The following PCDH15 variants were observed in gnomAD, a reference collection of about 807,000 sequenced individuals.
PCDH15 encodes the protein protocadherin-15.
PCDH15 carries 129 observed loss-of-function variants against 178.5 expected under a neutral mutation model. The observed-to-expected ratio is 0.72, with a 90% CI of 0.63 to 0.84. PCDH15 has a LOEUF of 0.84. PCDH15 is among the 40% of genes least tolerant of loss of function. The pLI is 0.00. For missense variants in PCDH15, 2,230 were observed against 2,099.9 expected, an observed-to-expected ratio of 1.06 and a Z score of -1.21; for synonymous variants, 800 against 732.0, an observed-to-expected ratio of 1.09 and a Z score of -1.50.
chr10:54,408,101 A>G (rs1565196188), intron 3 of PCDH15, among the ~76,000 whole-genome samples: 1 of 151,116 alleles, frequency 6.6e-6, no homozygotes, highest in East Asian at 1.9e-4. Context: ...TAGAAAAGTT[A>G]CTTCCTCTAA....
intron 2 of PCDH15, among the ~76,000 whole-genome samples, chr10:55,456,640 AAT>A (rs1166913941): frequency 2.0e-5 from 3 of 152,068 alleles, no homozygotes; most frequent in African/African-American, 7.2e-5. Flanking sequence ...ATATTTTCAA[AAT>A]ATATTTTGGA....
chr10:55,265,323 T>C (rs1431113104), intron 1 of PCDH15, among the ~76,000 whole-genome samples: 1 of 151,196 alleles, frequency 6.6e-6, no homozygotes, highest in East Asian at 1.9e-4. Flanking sequence ...TATATATATA[T>C]ATATAGACAT....
intron 1 of PCDH15, among the ~76,000 whole-genome samples, chr10:55,184,574 A>C (rs1438950918): frequency 6.6e-6 from 1 of 152,006 alleles, no homozygotes; most frequent in Non-Finnish European, 1.5e-5. Flanking sequence ...CTTATCACTC[A>C]CACAGAAAGT....
intron 3 of PCDH15, among the ~76,000 whole-genome samples, chr10:54,515,886 G>C (rs977984982): frequency 1.3e-5 from 2 of 152,172 alleles, no homozygotes; most frequent in Non-Finnish European, 2.9e-5. Context: ...CAGGCAAACA[G>C]GGTCTGGAGG....
At chr10:55,298,036 T>A (rs908896215) in intron 1 of PCDH15, among the ~76,000 whole-genome samples, 14 of 152,218 alleles carry the variant, frequency 9.2e-5, no homozygotes, top group Admixed American at 5.2e-4. Flanking sequence ...TTTTTAAAAG[T>A]GTAACTTGTT....
intron 3 of PCDH15, among the ~76,000 whole-genome samples, chr10:54,441,778 G>T (rs1432663070): frequency 4.6e-5 from 7 of 151,722 alleles, no homozygotes; most frequent in African/African-American, 1.7e-4. Flanking sequence ...ATAGCTTCTG[G>T]CATTTATTAT....
chr10:55,575,987 C>G (rs911569961), intron 2 of PCDH15, among the ~76,000 whole-genome samples: 1 of 152,134 alleles, frequency 6.6e-6, no homozygotes, highest in African/African-American at 2.4e-5. Flanking sequence ...TCACGATGAA[C>G]CGTTCACTTT....
At chr10:54,558,614 G>A (rs995708961) in intron 2 of PCDH15, among the ~76,000 whole-genome samples, 3 of 151,988 alleles carry the variant, frequency 2.0e-5, no homozygotes, top group Non-Finnish European at 4.4e-5. Context: ...CTTACCTATT[G>A]TAGTAACTTC....
chr10:55,076,786 T>G, intron 2 of PCDH15, among the ~76,000 whole-genome samples: 1 of 146,294 alleles, frequency 6.8e-6, no homozygotes, highest in Non-Finnish European at 1.5e-5. Context: ...TTTTTTTTTT[T>G]TGAGATGGAG....
chr10:54,578,011 T>C (rs369075371), intron 2 of PCDH15, among the ~76,000 whole-genome samples: 2 of 152,200 alleles, frequency 1.3e-5, no homozygotes, highest in Admixed American at 6.5e-5. Context: ...TTGTATAACA[T>C]TGATTCATAC....
At position 54,905,217 on chromosome 10, in the gene PCDH15, G is replaced by T. The variant is rs182247075; in HGVS notation, c.-79-7717C>A. ...CTGAAATAGAAGAATAATATCAAAA[G>T]TATTTCTTTTTATTTTCTCTCAACA... On this transcript the variant is annotated intron_variant, in intron 2 of 5. Transcript: ENST00000458638. 5.0e-3 allele frequency among the ~76,000 whole-genome samples: 764 copies of T among 151,692 alleles called. 4 individuals are homozygous for T. Among genetic ancestry groups the T allele is most frequent in the Non-Finnish European group, 8.3e-3 (558 of 67,594 alleles).
intron 3 of PCDH15, among the ~76,000 whole-genome samples, chr10:54,397,562 T>C (rs1951404588): frequency 6.6e-6 from 1 of 152,060 alleles, no homozygotes; most frequent in South Asian, 2.1e-4. Flanking sequence ...AAGTTCTATT[T>C]TGGCAATGGG....
Position 53,903,240 on chromosome 10 carries a change from T to C in PCDH15, c.3501+3A>G. Reference sequence around the variant, plus strand: ...TTCTGTATATTAACATAATTCCGCATACCTTCACTCTGAGTACAGAAGTAA... The same window carrying C: ...TTCTGTATATTAACATAATTCCGCACACCTTCACTCTGAGTACAGAAGTAA... On this transcript the variant is annotated splice_donor_region_variant and intron_variant, in intron 26 of 37. Transcript: ENST00000644397. 2 of 1,612,618 alleles carry C rather than the reference T, an allele frequency of 1.2e-6. No homozygotes were observed. Among genetic ancestry groups the C allele is most frequent in the Non-Finnish European group, 1.7e-6 (2 of 1,179,196 alleles).
chr10:54,172,197 AAAG>A (rs1590947021), intron 13 of PCDH15, among the ~76,000 whole-genome samples: 1 of 152,030 alleles, frequency 6.6e-6, no homozygotes, highest in Non-Finnish European at 1.5e-5. Context: ...TTCCACCACA[AAAG>A]AAGTGTAAAT....
At chr10:54,436,579 T>C (rs766819448) in intron 3 of PCDH15, among the ~76,000 whole-genome samples, 5 of 152,174 alleles carry the variant, frequency 3.3e-5, no homozygotes, top group Non-Finnish European at 7.3e-5. Flanking sequence ...AAGGATTCAT[T>C]AAATTTTCAA....
In PCDH15 at chr10:55,609,457, A is replaced by G. The variant is rs7915542; in HGVS notation, c.-156+18168T>C. Among the ~76,000 whole-genome samples, 297 of 152,250 alleles carry G rather than the reference A, an allele frequency of 2.0e-3. 3 individuals are homozygous for G. Among genetic ancestry groups the G allele is most frequent in the African/African-American group, 6.9e-3 (287 of 41,558 alleles). On this transcript the variant is annotated intron_variant, in intron 2 of 5. Transcript: ENST00000613346. The stretch of plus-strand genomic sequence containing the variant: ...GTCAAATATGAGAAAATTTTTAATA[A>G]TCTGTAAAGTATTGTTAGGTACTCT...
At chr10:54,003,262 A>G (rs542389729) in intron 20 of PCDH15, among the ~76,000 whole-genome samples, 40 of 152,176 alleles carry the variant, frequency 2.6e-4, no homozygotes, top group Non-Finnish European at 5.3e-4. Flanking sequence ...TAAAGATCAG[A>G]GCAGAAATAA....
At chr10:54,130,439 G>GA (rs944131456) in intron 15 of PCDH15, among the ~76,000 whole-genome samples, 12 of 151,970 alleles carry the variant, frequency 7.9e-5, no homozygotes, top group East Asian at 1.9e-4. Context: ...AACGCTGGAG[G>GA]AAAAAAATCT....
chr10:55,418,188 C>T (rs1411502166), intron 2 of PCDH15, among the ~76,000 whole-genome samples: 1 of 151,664 alleles, frequency 6.6e-6, no homozygotes, highest in Non-Finnish European at 1.5e-5. Context: ...ATGAAAGTGA[C>T]TTTTTTACTA....
Sources: allele counts gnomAD v4.1 joint callset (sites outside exome capture counted in the v4.1 genomes callset), GRCh38; gene constraint gnomAD v4.1.1; transcripts MANE v1.5; gene names NCBI Gene and HGNC (gene_info 2026-07-23, HGNC 2026-07-21).